Variants in CRIM1 observed in about 807,000 individuals in gnomAD.
The protein encoded by CRIM1 is cysteine rich transmembrane BMP regulator 1, also known as cysteine-rich motor neuron 1 protein.
In CRIM1, 32 loss-of-function variants were observed where a neutral mutation model predicts 116.4. That is an observed-to-expected ratio of 0.27 (90% CI 0.21 to 0.37). The LOEUF is 0.37. Ranked by LOEUF, CRIM1 falls within the 10% of genes least tolerant of loss-of-function variation. CRIM1 has a pLI of 1.00. For synonymous variants in CRIM1, 590 were observed against 509.2 expected (o/e 1.16, Z -2.13); for missense variants, 1,331 against 1,354.8 (o/e 0.98, Z 0.28).
chr2:36,418,191 A>G (rs1673767301), intron 2 of CRIM1, among the ~76,000 whole-genome samples: 2 of 152,246 alleles, frequency 1.3e-5, no homozygotes, highest in Admixed American at 1.3e-4. Flanking sequence ...ATGTTTATAA[A>G]TAGAGCCAGC....
intron 13 of CRIM1, among the ~76,000 whole-genome samples, chr2:36,524,594 A>T (rs938978266): frequency 3.9e-5 from 6 of 152,178 alleles, no homozygotes; most frequent in Admixed American, 2.6e-4. Flanking sequence ...GGAAAAATCT[A>T]ACAGCAGATC....
chr2:36,512,551 C>T (rs571271757), intron 10 of CRIM1, among the ~76,000 whole-genome samples, 157 bp downstream of exon 10: 1 of 152,250 alleles, frequency 6.6e-6, no homozygotes, highest in Non-Finnish European at 1.5e-5. Context: ...CTCCCTTTTC[C>T]TTTCATTTTT....
At chr2:36,463,243 A>G (rs984545325) in intron 4 of CRIM1, among the ~76,000 whole-genome samples, 16 of 152,220 alleles carry the variant, frequency 1.1e-4, no homozygotes, top group Non-Finnish European at 2.2e-4. Flanking sequence ...TTAACTATAA[A>G]TGTAATTAAA....
At chr2:36,367,500 G>T (rs535389949) in intron 1 of CRIM1, among the ~76,000 whole-genome samples, 1 of 152,250 alleles carries the variant, frequency 6.6e-6, no homozygotes, top group East Asian at 1.9e-4. Context: ...GCCTTAATTT[G>T]TCAAAAGGGA....
At chr2:36,422,268 T>G (rs1254673125) in intron 2 of CRIM1, among the ~76,000 whole-genome samples, 1 of 152,110 alleles carries the variant, frequency 6.6e-6, no homozygotes, top group South Asian at 2.1e-4. Context: ...TTAAAAAAAA[T>G]CTTTAGGATA....
At chr2:36,410,024 A>C (rs1284149211) in intron 2 of CRIM1, among the ~76,000 whole-genome samples, 1 of 152,222 alleles carries the variant, frequency 6.6e-6, no homozygotes. Context: ...ATACTCTTAC[A>C]GTGTGCCTTC....
At chr2:36,437,525 A>G (rs903502147) in intron 2 of CRIM1, among the ~76,000 whole-genome samples, 6 of 151,832 alleles carry the variant, frequency 4.0e-5, no homozygotes, top group Non-Finnish European at 8.8e-5. Flanking sequence ...CTTTAAAAAC[A>G]GTTTATTCTT....
chr2:36,376,855 G>A (rs1670357864), intron 1 of CRIM1, among the ~76,000 whole-genome samples: 1 of 152,216 alleles, frequency 6.6e-6, no homozygotes, highest in African/African-American at 2.4e-5. Flanking sequence ...GAAAAGACAG[G>A]TATGTAAATA....
At chr2:36,448,568 C>T (rs1056397396) in intron 4 of CRIM1, among the ~76,000 whole-genome samples, 6 of 152,208 alleles carry the variant, frequency 3.9e-5, no homozygotes, top group Non-Finnish European at 5.9e-5. Context: ...GTAATACCTC[C>T]ACCTTACTCA....
intron 7 of CRIM1, among the ~76,000 whole-genome samples, chr2:36,496,626 A>G (rs1680613613): frequency 6.6e-6 from 1 of 152,194 alleles, no homozygotes; most frequent in Admixed American, 6.5e-5. Flanking sequence ...CCTTTATGCA[A>G]TTTTATTTGT....
chr2:36,398,559 A>G (rs1005595777), intron 2 of CRIM1, among the ~76,000 whole-genome samples: 2 of 152,200 alleles, frequency 1.3e-5, no homozygotes, highest in East Asian at 3.8e-4. Context: ...AGCATTTCCA[A>G]TTTTGAGATC....
In CRIM1 at chr2:36,549,400, A is replaced by G. The variant is rs1044321347; in HGVS notation, c.*699A>G. ...GCTGCTTTTATTTTCTTCCAAGCCAATCAATCAGCCAGTTCCTAGCAGAGT... is the reference window on the plus strand; with the variant it reads ...GCTGCTTTTATTTTCTTCCAAGCCAGTCAATCAGCCAGTTCCTAGCAGAGT... On this transcript the variant is annotated 3_prime_UTR_variant, in exon 17 of 17. Coordinates refer to ENST00000280527, the MANE Select transcript of CRIM1 (RefSeq NM_016441.3). 1.3e-5 allele frequency: 2 copies of G among 152,612 alleles called. No individual in the cohort carries two copies. Among genetic ancestry groups the G allele is most frequent in the African/African-American group, 2.4e-5 (1 of 41,424 alleles). The allele number at this position is 152,612 out of a possible 1,614,324, so 9.5% of individuals were successfully genotyped here. A position where few individuals can be genotyped will look rare whatever the true frequency, so the allele number is the denominator to read the frequency against.
At chr2:36,391,007 G>A (rs67044425) in intron 1 of CRIM1, among the ~76,000 whole-genome samples, 5 of 151,082 alleles carry the variant, frequency 3.3e-5, no homozygotes, top group Non-Finnish European at 5.9e-5. Context: ...ACAGGGTTTC[G>A]TCATGTTGCC....
chr2:36,539,894 GT>G (rs1235737840), intron 14 of CRIM1, among the ~76,000 whole-genome samples: 1 of 152,114 alleles, frequency 6.6e-6, no homozygotes, highest in Non-Finnish European at 1.5e-5. Flanking sequence ...AAATTTGAAA[GT>G]TTAGCCATAG....
intron 7 of CRIM1, among the ~76,000 whole-genome samples, chr2:36,489,057 C>A (rs1381490055): frequency 6.6e-6 from 1 of 152,180 alleles, no homozygotes; most frequent in African/African-American, 2.4e-5. Context: ...CATTTCCTTA[C>A]TTTAAAAAAG....
chr2:36,448,244 A>G (rs1245567110), intron 4 of CRIM1, among the ~76,000 whole-genome samples: 2 of 152,240 alleles, frequency 1.3e-5, no homozygotes, highest in East Asian at 1.9e-4. Flanking sequence ...CTCCTCTGTA[A>G]TGGTTGAGCT....
chr2:36,402,264 A>G (rs995158954), intron 2 of CRIM1, among the ~76,000 whole-genome samples: 12 of 152,224 alleles, frequency 7.9e-5, no homozygotes, highest in Non-Finnish European at 1.3e-4. Context: ...GACCTCAGGG[A>G]CATATTCTAT....
intron 5 of CRIM1, among the ~76,000 whole-genome samples, chr2:36,476,249 C>A (rs1223564833): frequency 6.6e-6 from 1 of 151,846 alleles, no homozygotes; most frequent in South Asian, 2.1e-4. Flanking sequence ...TGGCTTCTGT[C>A]GTTTGCTGTG....
intron 5 of CRIM1, among the ~76,000 whole-genome samples, chr2:36,465,987 G>C (rs570360006): frequency 6.6e-6 from 1 of 151,330 alleles, no homozygotes; most frequent in African/African-American, 2.4e-5. Context: ...CCAGGTTCAC[G>C]CCATTCTCCT....
Sources: gnomAD v4.1 joint callset for allele counts (sites outside exome capture counted in the v4.1 genomes callset) on GRCh38, gnomAD v4.1.1 for gene constraint, MANE v1.5 for transcripts, NCBI Gene and HGNC (gene_info 2026-07-23, HGNC 2026-07-21) for gene names.